The following ADAMTS12 variants were observed in gnomAD, a reference collection of about 807,000 sequenced individuals.
ADAMTS12 encodes the protein ADAM metallopeptidase with thrombospondin type 1 motif 12.
A neutral mutation model predicts 167.8 loss-of-function variants in ADAMTS12; 118 were observed. The ratio of observed to expected loss-of-function variants is 0.70; its 90% CI spans 0.61 to 0.82. The LOEUF (loss-of-function observed/expected upper bound fraction) is 0.82. Among genes scored for constraint, ADAMTS12 ranks in the 40% least tolerant of loss-of-function variants. The probability of loss-of-function intolerance (pLI) is 0.00; values close to 1 mark genes in which losing one functional copy is unlikely to be tolerated. For synonymous variants in ADAMTS12, 704 were observed against 716.9 expected, an observed-to-expected ratio of 0.98 and a Z score of 0.29; for missense variants, 1,916 against 1,998.8, an observed-to-expected ratio of 0.96 and a Z score of 0.79.
intron 3 of ADAMTS12, among the ~76,000 whole-genome samples, chr5:33,719,218 A>G (rs1204161065): frequency 6.6e-6 from 1 of 152,200 alleles, no homozygotes; most frequent in Non-Finnish European, 1.5e-5. Flanking sequence ...TATTTGCTGC[A>G]AAGTATGCAA....
chr5:33,751,051 G>A (rs1018795354), intron 3 of ADAMTS12: 18 of 340,776 alleles, frequency 5.3e-5, no homozygotes, highest in African/African-American at 1.9e-4. Flanking sequence ...AAATCATTAC[G>A]TCTTTATTTT....
At chr5:33,710,750 T>C (rs373684606) in intron 3 of ADAMTS12, among the ~76,000 whole-genome samples, 30 of 152,192 alleles carry the variant, frequency 2.0e-4, no homozygotes, top group South Asian at 8.3e-4. Context: ...TCTAGAAGCA[T>C]CACTTTGAGG....
intron 3 of ADAMTS12, among the ~76,000 whole-genome samples, chr5:33,719,022 A>G (rs567625437): frequency 1.1e-4 from 17 of 152,162 alleles, no homozygotes; most frequent in Non-Finnish European, 1.8e-4. Context: ...ATGCCAGGCA[A>G]CATGCTGAGG....
chr5:33,549,336 G>T lies in ADAMTS12; in HGVS notation c.4173C>A (p.Cys1391Ter), dbSNP rs532835414. 3 of 1,614,044 alleles carry T rather than the reference G, an allele frequency of 1.9e-6. No individual in the cohort carries two copies. Among genetic ancestry groups the T allele is most frequent in the Admixed American group, 3.3e-5 (2 of 60,006 alleles). The change falls in exon 21 of 24, where the codon TGC (cysteine) becomes TGA (stop). Residue 1391 changes from cysteine (C) to a stop codon, truncating the protein, a stop_gained. Coordinates refer to ENST00000504830, the MANE Select transcript of ADAMTS12 (RefSeq NM_030955.4). LOFTEE classifies it high-confidence loss of function. ...GGTTCCGGTGGTCCCGGCTGTCCAC[G>T]CACTGAATCTCGCGTATCTTGAAGC... Reference protein sequence around the residue: ...SGGFKIREIQCVDSRDHRNLR... With the variant: ...SGGFKIREIQ
intron 16 of ADAMTS12, among the ~76,000 whole-genome samples, chr5:33,606,074 A>G (rs1457318482): frequency 6.6e-6 from 1 of 152,110 alleles, no homozygotes; most frequent in Non-Finnish European, 1.5e-5. Context: ...CAGCCTCCCA[A>G]GTAGCTGGGA....
chr5:33,597,785 A>G (rs13164117), intron 16 of ADAMTS12, among the ~76,000 whole-genome samples: 71,990 of 151,954 alleles, frequency 0.47, 17,881 homozygotes, highest in South Asian at 0.62. Flanking sequence ...GACTCGGATC[A>G]TTGACATCAG....
At chr5:33,627,099 G>T (rs1561179092) in intron 13 of ADAMTS12, among the ~76,000 whole-genome samples, 2 of 148,926 alleles carry the variant, frequency 1.3e-5, no homozygotes, top group African/African-American at 5.0e-5. Context: ...GGTGGTGGTG[G>T]TGATGATGGT....
At chr5:33,885,758 G>T (rs1750613217) in intron 1 of ADAMTS12, among the ~76,000 whole-genome samples, 1 of 152,220 alleles carries the variant, frequency 6.6e-6, no homozygotes, top group South Asian at 2.1e-4. Flanking sequence ...GAGACTGCTG[G>T]AGATGGGGAG....
chr5:33,539,196 C>A (rs1388106577), intron 22 of ADAMTS12, among the ~76,000 whole-genome samples: 5 of 152,194 alleles, frequency 3.3e-5, no homozygotes, highest in Non-Finnish European at 7.3e-5. Context: ...CCTGCTTCGG[C>A]CTCCCAAAGT....
Position 33,644,800 on chromosome 5 carries a change from G to A in ADAMTS12, c.1480-1330C>T, listed in dbSNP as rs1048027945. ...GGCTGGAGTGCAGTGGTGCCATCTC[G>A]GCTCACTGCAAGCTCTGCCTCCTGG... On this transcript the variant is annotated intron_variant, in intron 9 of 23. Coordinates refer to ENST00000504830, the MANE Select transcript of ADAMTS12 (RefSeq NM_030955.4). Among the ~76,000 whole-genome samples, 31 of 151,326 alleles carry A rather than the reference G, an allele frequency of 2.0e-4. 1 individual carries two copies. The highest frequency in any genetic ancestry group is 7.4e-5 in the Non-Finnish European group (5 of 67,902).
At chr5:33,703,571 T>C (rs1455907294) in intron 3 of ADAMTS12, among the ~76,000 whole-genome samples, 1 of 152,110 alleles carries the variant, frequency 6.6e-6, no homozygotes, top group Non-Finnish European at 1.5e-5. Flanking sequence ...CTCCCCCCAA[T>C]CCTCTGGTAA....
rs1023273485 is a variant in ADAMTS12 at position 33,524,473 on chromosome 5, C to T, written c.*2715G>A. ...GATATGTATCCAGTGTCTCCTGATA[C>T]ACTTCTCAGTTGCTTGATCCAGGTG... On this transcript the variant is annotated 3_prime_UTR_variant, in exon 24 of 24. Coordinates refer to ENST00000504830, the MANE Select transcript of ADAMTS12 (RefSeq NM_030955.4). The T allele has an allele frequency of 6.6e-6, 1 of 152,196 alleles. No homozygotes were observed. The highest frequency in any genetic ancestry group is 1.5e-5 in the Non-Finnish European group (1 of 68,044). The allele number at this position is 152,196 out of a possible 1,614,324, so 9.4% of individuals were successfully genotyped here.
intron 2 of ADAMTS12, among the ~76,000 whole-genome samples, chr5:33,755,391 C>G (rs1484980083): frequency 1.3e-5 from 2 of 152,160 alleles, no homozygotes; most frequent in African/African-American, 2.4e-5. Context: ...CTCCACTGCT[C>G]TTTGATGAGG....
intron 2 of ADAMTS12, among the ~76,000 whole-genome samples, chr5:33,868,035 A>T (rs1393033042): frequency 6.6e-6 from 1 of 152,102 alleles, no homozygotes; most frequent in Non-Finnish European, 1.5e-5. Context: ...GCCGTGTAAT[A>T]TATGCCTCCT....
Position 33,713,703 on chromosome 5 carries a change from G to A in ADAMTS12, c.635-29648C>T, listed in dbSNP as rs193286480. ...AACTAATGAAACTAATGAGAAAAAC[G>A]GGTCACCATATTCTGTCGATTCACT... On this transcript the variant is annotated intron_variant, in intron 3 of 23. Transcript: ENST00000504830. 3.1e-3 allele frequency among the ~76,000 whole-genome samples: 475 copies of A among 152,092 alleles called. 6 individuals are homozygous for A. Among genetic ancestry groups the A allele is most frequent in the African/African-American group, 0.011 (455 of 41,518 alleles).
chr5:33,715,523 G>A (rs1236321878), intron 3 of ADAMTS12, among the ~76,000 whole-genome samples: 1 of 152,050 alleles, frequency 6.6e-6, no homozygotes, highest in Admixed American at 6.6e-5. Context: ...CTTTGGCTAG[G>A]GGAATCTCTG....
intron 2 of ADAMTS12, among the ~76,000 whole-genome samples, chr5:33,815,728 T>C (rs1419660632): frequency 6.6e-6 from 1 of 152,148 alleles, no homozygotes; most frequent in Non-Finnish European, 1.5e-5. Context: ...CGCATAGTCC[T>C]GAAAGCAGGA....
At chr5:33,545,201 G>T (rs1744910220) in intron 22 of ADAMTS12, among the ~76,000 whole-genome samples, 1 of 152,134 alleles carries the variant, frequency 6.6e-6, no homozygotes. Flanking sequence ...GTGGGCAAAG[G>T]ATATGAATAG....
chr5:33,862,520 G>C (rs1469061107), intron 2 of ADAMTS12, among the ~76,000 whole-genome samples: 1 of 152,100 alleles, frequency 6.6e-6, no homozygotes, highest in African/African-American at 2.4e-5. Context: ...GAATAGACCA[G>C]TAACAAGTTC....
Sources: allele counts gnomAD v4.1 joint callset (sites outside exome capture counted in the v4.1 genomes callset), GRCh38; gene constraint gnomAD v4.1.1; transcripts MANE v1.5; gene names NCBI Gene and HGNC (gene_info 2026-07-23, HGNC 2026-07-21).